Variants in CNTNAP2 observed in about 807,000 individuals in gnomAD.
CNTNAP2 encodes contactin-associated protein-like 2.
Under a neutral mutation model 155.2 loss-of-function variants are expected in CNTNAP2, and 98 were observed. The ratio of observed to expected loss-of-function variants is 0.63; its 90% confidence interval spans 0.54 to 0.75. The LOEUF (loss-of-function observed/expected upper bound fraction) is 0.75, where lower values mean the gene tolerates loss of function less well. CNTNAP2 is among the 30% of genes least tolerant of loss of function. The pLI, the probability that CNTNAP2 is intolerant of heterozygous loss-of-function variation, is 0.00. For missense variants in CNTNAP2, 1,727 were observed against 1,688.1 expected, an observed-to-expected ratio of 1.02 and a Z score of -0.40; for synonymous variants, 651 against 631.2, an observed-to-expected ratio of 1.03 and a Z score of -0.47.
chr7:147,262,496 G>A (rs918211993), intron 8 of CNTNAP2, among the ~76,000 whole-genome samples: 11 of 152,118 alleles, frequency 7.2e-5, no homozygotes, highest in African/African-American at 2.7e-4. Context: ...CACAGAGGGA[G>A]GGGTATGAAA....
intron 11 of CNTNAP2, among the ~76,000 whole-genome samples, chr7:147,489,943 T>C (rs1798576552): frequency 6.6e-6 from 1 of 152,162 alleles, no homozygotes; most frequent in Admixed American, 6.6e-5. Flanking sequence ...TACTAGTTCC[T>C]TGTGTGGAAC....
intron 13 of CNTNAP2, among the ~76,000 whole-genome samples, chr7:147,860,589 C>CAAAAAAAAAAAAAAAAAAAAAA (rs11342244): frequency 5.6e-5 from 7 of 124,440 alleles, no homozygotes; most frequent in African/African-American, 2.1e-4. Flanking sequence ...GACTCTGTCT[C>CAAAAAAAAAAAAAAAAAAAAAA]AAAAAAAAAA....
At chr7:146,162,903 A>G (rs963701840) in intron 1 of CNTNAP2, among the ~76,000 whole-genome samples, 1 of 152,180 alleles carries the variant, frequency 6.6e-6, no homozygotes, top group African/African-American at 2.4e-5. Context: ...AAACTATCAC[A>G]AGGACAAAAA....
chr7:148,135,570 C>T (rs745972776), intron 16 of CNTNAP2, among the ~76,000 whole-genome samples: 49 of 152,028 alleles, frequency 3.2e-4, no homozygotes, highest in African/African-American at 8.4e-4. Context: ...GAAGACAGGC[C>T]GGGTGCGGTG....
At chr7:146,796,910 G>A (rs952491852) in intron 2 of CNTNAP2, among the ~76,000 whole-genome samples, 2 of 152,120 alleles carry the variant, frequency 1.3e-5, no homozygotes, top group Non-Finnish European at 2.9e-5. Flanking sequence ...GCTGAGGCAG[G>A]CAGATCACGA....
At chr7:147,318,386 A>G (rs1379036981) in intron 9 of CNTNAP2, among the ~76,000 whole-genome samples, 3 of 152,114 alleles carry the variant, frequency 2.0e-5, no homozygotes, top group Admixed American at 6.5e-5. Flanking sequence ...GTGATCCAAG[A>G]TCGTGCCACT....
At chr7:146,182,123 A>G (rs915445297) in intron 1 of CNTNAP2, among the ~76,000 whole-genome samples, 5 of 152,150 alleles carry the variant, frequency 3.3e-5, no homozygotes, top group Admixed American at 6.6e-5. Context: ...AAGAAAAAGA[A>G]AATTTTAAAT....
At chr7:146,373,773 T>C (rs148023257) in intron 1 of CNTNAP2, among the ~76,000 whole-genome samples, 1 of 152,076 alleles carries the variant, frequency 6.6e-6, no homozygotes. Flanking sequence ...AGAATTGGGG[T>C]ACATACGGAA....
intron 15 of CNTNAP2, among the ~76,000 whole-genome samples, chr7:148,067,777 AG>A: frequency 6.6e-6 from 1 of 152,126 alleles, no homozygotes; most frequent in South Asian, 2.1e-4. Context: ...GGGTGGAGCC[AG>A]GATTAGGCGT....
chr7:146,848,997 C>A (rs922159638), intron 3 of CNTNAP2, among the ~76,000 whole-genome samples: 1 of 152,014 alleles, frequency 6.6e-6, no homozygotes, highest in Non-Finnish European at 1.5e-5. Context: ...GCCAGGCTGG[C>A]CTTGAACTCC....
chr7:146,245,596 AGTT>A (rs1025484078), intron 1 of CNTNAP2, among the ~76,000 whole-genome samples: 8 of 151,934 alleles, frequency 5.3e-5, no homozygotes, highest in African/African-American at 9.7e-5. Context: ...GAAGGAAAGG[AGTT>A]GTTGTTTTGT....
intron 15 of CNTNAP2, among the ~76,000 whole-genome samples, chr7:148,087,411 A>G (rs1014165086): frequency 5.9e-5 from 9 of 152,136 alleles, no homozygotes; most frequent in African/African-American, 2.2e-4. Flanking sequence ...CCTTCTTTAA[A>G]TTATAACTAT....
At chr7:147,630,915 G>A (rs536838966) in intron 12 of CNTNAP2, among the ~76,000 whole-genome samples, 2 of 152,092 alleles carry the variant, frequency 1.3e-5, no homozygotes, top group Non-Finnish European at 2.9e-5. Context: ...ACTGGAACAA[G>A]AGAAGGATGC....
intron 19 of CNTNAP2, among the ~76,000 whole-genome samples, chr7:148,225,521 T>C (rs1345921919): frequency 2.6e-5 from 4 of 151,724 alleles, no homozygotes; most frequent in African/African-American, 4.8e-5. Context: ...AATGAGGAGA[T>C]CATATGGGGC....
chr7:146,345,264 G>A (rs1251838996), intron 1 of CNTNAP2, among the ~76,000 whole-genome samples: 1 of 152,086 alleles, frequency 6.6e-6, no homozygotes, highest in Non-Finnish European at 1.5e-5. Context: ...TCACTCATAT[G>A]TTCTAATCAC....
intron 23 of CNTNAP2, among the ~76,000 whole-genome samples, chr7:148,413,581 G>A (rs57792310): frequency 6.7e-6 from 1 of 149,908 alleles, no homozygotes; most frequent in Non-Finnish European, 1.5e-5. Flanking sequence ...ATATCATTAG[G>A]TAATGCTTGT....
At chr7:147,373,947 T>C (rs900738059) in intron 9 of CNTNAP2, among the ~76,000 whole-genome samples, 1 of 151,966 alleles carries the variant, frequency 6.6e-6, no homozygotes, top group Non-Finnish European at 1.5e-5. Context: ...TTGTTACAGA[T>C]AAATTTATCA....
chr7:146,313,096 T>C (rs1297101150), intron 1 of CNTNAP2, among the ~76,000 whole-genome samples: 1 of 152,222 alleles, frequency 6.6e-6, no homozygotes, highest in East Asian at 1.9e-4. Context: ...CTGAATCACA[T>C]AGTAATTCTA....
chr7:147,492,302 C>T (rs1241620921), intron 11 of CNTNAP2, among the ~76,000 whole-genome samples: 3 of 152,308 alleles, frequency 2.0e-5, no homozygotes, highest in Admixed American at 6.5e-5. Flanking sequence ...GAAGACGGAG[C>T]TCAGGCGGGA....
Sources: gnomAD v4.1 joint callset for allele counts (sites outside exome capture counted in the v4.1 genomes callset) on GRCh38, gnomAD v4.1.1 for gene constraint, MANE v1.5 for transcripts, NCBI Gene and HGNC (gene_info 2026-07-23, HGNC 2026-07-21) for gene names.